RPN2: variants seen among roughly 807,000 people sequenced by gnomAD.
RPN2 encodes the protein ribophorin II, also known as dolichyl-diphosphooligosaccharide--protein glycosyltransferase subunit 2.
Under a neutral mutation model 71.4 loss-of-function variants are expected in RPN2, and 29 were observed. The ratio of observed to expected loss-of-function variants is 0.41; its 90% CI spans 0.30 to 0.55. The LOEUF is 0.55. Among genes scored for constraint, RPN2 ranks in the 20% least tolerant of loss-of-function variants. RPN2 has a pLI of 0.35. For missense variants in RPN2, 726 were observed against 774.1 expected, an observed-to-expected ratio of 0.94 and a Z score of 0.74; for synonymous variants, 308 against 305.0, an observed-to-expected ratio of 1.01 and a Z score of -0.10.
chr20:37,224,850 A>G (rs531244603), intron 10 of RPN2, among the ~76,000 whole-genome samples: 1 of 152,286 alleles, frequency 6.6e-6, no homozygotes, highest in Non-Finnish European at 1.5e-5. Flanking sequence ...TTTAAATCAC[A>G]TAGAGTTGGC....
rs370138661 is a variant in RPN2 at position 37,229,664 on chromosome 20, C to T, written c.1495-309C>T. Among the ~76,000 whole-genome samples, 101 of 152,296 alleles carry T rather than the reference C, an allele frequency of 6.6e-4. 2 individuals carry two copies. The highest frequency in any genetic ancestry group is 2.4e-3 in the African/African-American group (98 of 41,568). Reference sequence around the variant, plus strand: ...GACTAAATCACACTTCCCAGGGACACCAAGCTGTTTCTGATTGCAACTGTA... The same window carrying T: ...GACTAAATCACACTTCCCAGGGACATCAAGCTGTTTCTGATTGCAACTGTA... On this transcript the variant is annotated intron_variant, in intron 12 of 16. Transcript: ENST00000237530.
intron 2 of RPN2, among the ~76,000 whole-genome samples, chr20:37,196,395 A>C (rs1357677320): frequency 6.6e-6 from 1 of 151,940 alleles, no homozygotes; most frequent in Non-Finnish European, 1.5e-5. Context: ...ACGCCCAGCT[A>C]ATTTTGTTTT....
intron 10 of RPN2, 30 bp from the exon 11 acceptor site, chr20:37,225,658 C>T (rs920497717): frequency 1.4e-6 from 2 of 1,450,524 alleles, no homozygotes; most frequent in Non-Finnish European, 1.9e-6. Flanking sequence ...CTGATCCTCT[C>T]TGAAGACTAA....
chr20:37,204,079 G>A (rs1271381370), intron 5 of RPN2, 119 bp downstream of exon 5: 4 of 744,216 alleles, frequency 5.4e-6, no homozygotes, highest in African/African-American at 5.2e-5. Context: ...TATATCCATG[G>A]CACACTTGTG....
chr20:37,208,346 A>G (rs1048033515), intron 7 of RPN2, among the ~76,000 whole-genome samples: 2 of 151,570 alleles, frequency 1.3e-5, no homozygotes, highest in African/African-American at 4.8e-5. Flanking sequence ...CCAGATGTAT[A>G]GAGAAGTCTT....
At chr20:37,194,291 C>G (rs562545990) in intron 2 of RPN2, among the ~76,000 whole-genome samples, 1 of 151,948 alleles carries the variant, frequency 6.6e-6, no homozygotes, top group Non-Finnish European at 1.5e-5. Flanking sequence ...TTGAAAGTTT[C>G]GCTCTTGTCA....
At chr20:37,207,593 C>A in intron 7 of RPN2, 144 bp downstream of exon 7, 2 of 807,502 alleles carry the variant, frequency 2.5e-6, no homozygotes, top group Non-Finnish European at 4.2e-6. Flanking sequence ...TTTCCCTGAG[C>A]CTTGAAATGG....
At chr20:37,216,285 G>A (rs1008008677) in intron 9 of RPN2, among the ~76,000 whole-genome samples, 9 of 152,098 alleles carry the variant, frequency 5.9e-5, no homozygotes, top group Admixed American at 2.0e-4. Flanking sequence ...GTTGCAGTGA[G>A]CTGAGATCGT....
intron 15 of RPN2, among the ~76,000 whole-genome samples, chr20:37,236,342 C>T (rs1322071790): frequency 6.6e-6 from 1 of 152,212 alleles, no homozygotes; most frequent in Non-Finnish European, 1.5e-5. Flanking sequence ...CTGCCTCAGC[C>T]TCCCAAAATG....
chr20:37,218,305 TA>T (rs1214912706), intron 9 of RPN2, among the ~76,000 whole-genome samples: 3 of 133,668 alleles, frequency 2.2e-5, no homozygotes, highest in African/African-American at 8.5e-5. Context: ...CCCAGCTACT[TA>T]AGAGGCTGAG....
At chr20:37,222,397 GT>G (rs11478765) in intron 9 of RPN2, among the ~76,000 whole-genome samples, 111,620 of 150,778 alleles carry the variant, frequency 0.74, 41,648 homozygotes, top group Middle Eastern at 0.86. Context: ...AACCTTTACA[GT>G]TTTTTTTTTT....
chr20:37,184,134 A>G (rs757120224), intron 1 of RPN2, 46 bp from the exon 2 acceptor site: 2 of 1,607,612 alleles, frequency 1.2e-6, no homozygotes, highest in Non-Finnish European at 1.7e-6. Flanking sequence ...TGTGTATAGC[A>G]CCTTGGAAGA....
intron 2 of RPN2, among the ~76,000 whole-genome samples, chr20:37,197,052 A>G (rs1457566413): frequency 6.6e-6 from 1 of 152,174 alleles, no homozygotes; most frequent in Non-Finnish European, 1.5e-5. Context: ...AGGACAAGGA[A>G]AAGGTGCTCC....
chr20:37,188,683 T>A (rs549546941), intron 2 of RPN2, among the ~76,000 whole-genome samples: 11 of 151,444 alleles, frequency 7.3e-5, no homozygotes, highest in Admixed American at 2.0e-4. Flanking sequence ...AGTGGTGCGA[T>A]CATGGTTCAC....
chr20:37,194,608 T>C (rs932217225), intron 2 of RPN2, among the ~76,000 whole-genome samples: 5 of 152,202 alleles, frequency 3.3e-5, no homozygotes, highest in African/African-American at 1.2e-4. Flanking sequence ...TAATACATTA[T>C]AGGAGAAGTT....
At chr20:37,209,824 T>A (rs1251711572) in intron 7 of RPN2, among the ~76,000 whole-genome samples, 1 of 151,926 alleles carries the variant, frequency 6.6e-6, no homozygotes, top group Non-Finnish European at 1.5e-5. Context: ...GTGGATAGAA[T>A]AGGGAATCAG....
At chr20:37,231,432 C>T (rs2068242767) in intron 13 of RPN2, among the ~76,000 whole-genome samples, 1 of 151,968 alleles carries the variant, frequency 6.6e-6, no homozygotes, top group African/African-American at 2.4e-5. Context: ...TGGTTTAACT[C>T]TGGAAATCAA....
chr20:37,214,159 C>A (rs1048528949), intron 9 of RPN2, among the ~76,000 whole-genome samples: 2 of 152,168 alleles, frequency 1.3e-5, no homozygotes, highest in Non-Finnish European at 2.9e-5. Flanking sequence ...ATAAAAATCA[C>A]CCATAATTCC....
rs6032160 is a variant in RPN2 at position 37,226,496 on chromosome 20, G to A, written c.1299+694G>A. On this transcript the variant is annotated intron_variant, in intron 11 of 16. Transcript: ENST00000237530. ...GCCCAGGAGTTGGAGACCAGCTTGG[G>A]CAATATGGTGAGACCTCATTTGTGT... Among the ~76,000 whole-genome samples, 747 of 152,256 alleles carry A rather than the reference G, an allele frequency of 4.9e-3. 8 individuals carry two copies. The highest frequency in any genetic ancestry group is 0.017 in the African/African-American group (709 of 41,536).
Sources: allele counts gnomAD v4.1 joint callset (sites outside exome capture counted in the v4.1 genomes callset), GRCh38; gene constraint gnomAD v4.1.1; transcripts MANE v1.5; gene names NCBI Gene and HGNC (gene_info 2026-07-23, HGNC 2026-07-21).